Variants in URGCP observed in about 807,000 individuals in gnomAD.
URGCP encodes upregulator of cell proliferation.
Under a neutral mutation model 24.6 loss-of-function variants are expected in URGCP, and 13 were observed. The ratio of observed to expected loss-of-function variants is 0.53; its 90% CI spans 0.34 to 0.84. The LOEUF (loss-of-function observed/expected upper bound fraction) is 0.84. Among genes scored for constraint, URGCP ranks in the 40% least tolerant of loss-of-function variants. The pLI is 0.01. For missense variants in URGCP, 899 were observed against 1,194.3 expected (o/e 0.75, Z 3.64); for synonymous variants, 444 against 487.2 (o/e 0.91, Z 1.17).
intron 1 of URGCP, among the ~76,000 whole-genome samples, chr7:43,903,200 T>G (rs1299139984): frequency 6.6e-6 from 1 of 151,382 alleles, no homozygotes; most frequent in South Asian, 2.1e-4. Flanking sequence ...AAAACAAATG[T>G]ATGTGGATCT....
At chr7:43,906,827 G>A, upstream of URGCP, 1 of 272,080 alleles carries the variant, frequency 3.7e-6, no homozygotes. Flanking sequence ...CCAGGTGCCT[G>A]GAGGCCGGAA....
intron 1 of URGCP, among the ~76,000 whole-genome samples, chr7:43,900,664 G>A (rs1312853778): frequency 6.6e-6 from 1 of 151,912 alleles, no homozygotes; most frequent in East Asian, 1.9e-4. Context: ...ATGGCTCACC[G>A]CTGCCTCAAA....
intron 1 of URGCP, among the ~76,000 whole-genome samples, chr7:43,894,570 G>T (rs1004952141): frequency 6.6e-6 from 1 of 151,564 alleles, no homozygotes; most frequent in Non-Finnish European, 1.5e-5. Flanking sequence ...TATGTTGCCC[G>T]GCTGATGTCA....
Position 43,918,748 on chromosome 7 carries a change from G to A in URGCP, c.-116+7384C>T. On this transcript the variant is annotated intron_variant, in intron 1 of 5. Coordinates refer to the URGCP transcript ENST00000426198. ...TTGGGCCAGTGCAGCAATCAGATTGGGTTCGAGTTCTGGAAACAGCTGTGC... is the reference window on the plus strand; with the variant it reads ...TTGGGCCAGTGCAGCAATCAGATTGAGTTCGAGTTCTGGAAACAGCTGTGC... 3.7e-6 allele frequency: 3 copies of A among 802,278 alleles called. No homozygotes were observed. In the South Asian group the frequency reaches 4.5e-5, roughly 12 times the overall value. The allele number at this position is 802,278 out of a possible 1,614,324, so 49.7% of individuals were successfully genotyped here.
intron 1 of URGCP, among the ~76,000 whole-genome samples, chr7:43,891,398 C>A (rs959224169): frequency 2.0e-5 from 3 of 152,168 alleles, no homozygotes; most frequent in African/African-American, 7.2e-5. Flanking sequence ...GAAAAGGAGT[C>A]AGGCTGGTGG....
chr7:43,885,913 T>C (rs893194291), intron 3 of URGCP, among the ~76,000 whole-genome samples: 8 of 152,220 alleles, frequency 5.3e-5, no homozygotes, highest in African/African-American at 1.9e-4. Flanking sequence ...GGCTACTGTG[T>C]TGAATAGCAT....
intron 1 of URGCP, among the ~76,000 whole-genome samples, chr7:43,911,992 G>A (rs2132723447): frequency 6.6e-6 from 1 of 151,552 alleles, no homozygotes; most frequent in East Asian, 1.9e-4. Flanking sequence ...AAAAAACACA[G>A]GAAATTAGAA....
At chr7:43,903,355 A>AC (rs553593565) in intron 1 of URGCP, among the ~76,000 whole-genome samples, 17 of 151,956 alleles carry the variant, frequency 1.1e-4, no homozygotes, top group African/African-American at 1.7e-4. Flanking sequence ...CTGTCAGGGT[A>AC]CCCCCCCAAA....
chr7:43,885,575 G>A (rs774446159), intron 3 of URGCP, among the ~76,000 whole-genome samples: 10 of 152,090 alleles, frequency 6.6e-5, no homozygotes, highest in African/African-American at 2.4e-4. Context: ...ATCAAAGTTC[G>A]GGGAAGAACC....
At chr7:43,922,840 C>A (rs955021471) in intron 1 of URGCP, among the ~76,000 whole-genome samples, 3 of 152,118 alleles carry the variant, frequency 2.0e-5, no homozygotes, top group African/African-American at 7.2e-5. Flanking sequence ...CACAGTCACC[C>A]AAACTGCTGG....
chr7:43,909,047 A>G (rs2095907238), upstream of URGCP, among the ~76,000 whole-genome samples: 4 of 152,326 alleles, frequency 2.6e-5, no homozygotes, highest in South Asian at 8.3e-4. Flanking sequence ...TGAGTAATAA[A>G]TATCCTTATA....
intron 1 of URGCP, among the ~76,000 whole-genome samples, chr7:43,902,209 G>A (rs2095892326): frequency 6.6e-6 from 1 of 152,026 alleles, no homozygotes; most frequent in African/African-American, 2.4e-5. Flanking sequence ...GTGCCAAGGT[G>A]CGTGTGCCCT....
At position 43,877,523 on chromosome 7, in the gene URGCP, G is replaced by T; in HGVS notation, c.1940C>A (p.Pro647Gln). ...CAGCAGCAGCTCCGAGGCCAAGCCT[G>T]GGAAGTGGGCAAAACGCCTCTGGCC... is the stretch of plus-strand genomic sequence containing the variant. Reference protein sequence around the residue: ...PAGQRRFAHFPGLASELLLTG... With the variant: ...PAGQRRFAHFQGLASELLLTG... The change falls in exon 6 of 6, where the codon CCA (proline) becomes CAA (glutamine). Residue 647 changes from proline (P) to glutamine (Q), a missense_variant. By Grantham distance (76) the Pro-to-Gln change is moderately conservative (BLOSUM62 -1). Transcript: ENST00000453200. The T allele has an allele frequency of 6.2e-7, 1 of 1,613,300 alleles. No individual in the cohort carries two copies.
chr7:43,906,411 C>T, intron 1 of URGCP, 151 bp downstream of exon 1: 2 of 890,394 alleles, frequency 2.2e-6, no homozygotes, highest in Non-Finnish European at 2.7e-6. Context: ...GCGAGCGGGC[C>T]GTGGGCCTGG....
rs747986318 is a variant in URGCP at position 43,878,521 on chromosome 7, A to C, written c.942T>G (p.Ile314Met). ...AREISDGLVE[I>M]SWFFPSGRED... ...CCCTTCCGCTGGGAAAAAACCAGGA[A>C]ATTTCTACCAACCCATCCGAAATCT... The change falls in exon 6 of 6, where the codon ATT (isoleucine) becomes ATG (methionine). Residue 314 changes from isoleucine (I) to methionine (M), a missense_variant. By Grantham distance (10) the Ile-to-Met change is conservative. Coordinates refer to ENST00000453200, the MANE Select transcript of URGCP (RefSeq NM_001077663.3). This position sits in a 1 kb window ranked among gnomAD's most constrained non-coding sequence, Gnocchi z 5.6. 1 of 1,614,138 alleles carries C rather than the reference A, an allele frequency of 6.2e-7. No individual in the cohort carries two copies. Among genetic ancestry groups the C allele is most frequent in the South Asian group, 1.1e-5 (1 of 91,078 alleles).
At chr7:43,895,438 G>A (rs1452223868) in intron 1 of URGCP, among the ~76,000 whole-genome samples, 1 of 152,238 alleles carries the variant, frequency 6.6e-6, no homozygotes, top group Non-Finnish European at 1.5e-5. Flanking sequence ...TACTTCTGGA[G>A]GCCAAGGTGG....
intron 1 of URGCP, among the ~76,000 whole-genome samples, chr7:43,899,851 T>C (rs1181080669): frequency 6.6e-6 from 1 of 152,176 alleles, no homozygotes; most frequent in Non-Finnish European, 1.5e-5. Context: ...AAAGTCACAA[T>C]AGGCTAAGTG....
upstream of URGCP, among the ~76,000 whole-genome samples, chr7:43,909,523 T>A (rs1413964032): frequency 1.3e-5 from 2 of 151,606 alleles, no homozygotes; most frequent in Non-Finnish European, 2.9e-5. Context: ...GGTCAGAAGT[T>A]TGAGACAGCC....
Position 43,877,540 on chromosome 7 carries a change from C to T in URGCP, c.1923G>A (p.Arg641=). The part of the protein sequence containing the change: ...VEAGRLPAGQ[R]RFAHFPGLAS... ...CCAAGCCTGGGAAGTGGGCAAAACG[C>T]CTCTGGCCTGCCGGCAGCCTCCCTG... Residue 641 remains arginine, a synonymous_variant, in exon 6 of 6, where the codon AGG becomes AGA. Transcript: ENST00000453200. 1 of 1,613,280 alleles carries T rather than the reference C, an allele frequency of 6.2e-7. No homozygotes were observed. The highest frequency in any genetic ancestry group is 8.5e-7 in the Non-Finnish European group (1 of 1,180,030).
Sources: allele counts gnomAD v4.1 joint callset (sites outside exome capture counted in the v4.1 genomes callset), GRCh38; gene constraint gnomAD v4.1.1; non-coding constraint Gnocchi (gnomAD v3.1); transcripts MANE v1.5; gene names NCBI Gene and HGNC (gene_info 2026-07-23, HGNC 2026-07-21).